The following OTUD4 variants were observed in gnomAD, a reference collection of about 807,000 sequenced individuals.
OTUD4 encodes OTU domain-containing protein 4.
In OTUD4, 24 loss-of-function variants were observed where a neutral mutation model predicts 130.4. The ratio of observed to expected loss-of-function variants is 0.18; its 90% confidence interval spans 0.13 to 0.26. The LOEUF (loss-of-function observed/expected upper bound fraction) is 0.26, where lower values mean the gene tolerates loss of function less well. OTUD4 is among the 10% of genes least tolerant of loss of function. The probability of loss-of-function intolerance (pLI) is 1.00; values close to 1 mark genes in which losing one functional copy is unlikely to be tolerated. For synonymous variants in OTUD4, 420 were observed against 472.5 expected (o/e 0.89, Z 1.44); for missense variants, 1,031 against 1,329.4 (o/e 0.78, Z 3.49).
At chr4:145,159,142 G>C in intron 7 of OTUD4, 1 of 1,043,372 alleles carries the variant, frequency 9.6e-7, no homozygotes, top group Non-Finnish European at 1.2e-6. Context: ...GAAAGTGAAG[G>C]AAATCCAAAC....
chr4:145,146,427 T>A lies in OTUD4; in HGVS notation c.1262A>T (p.Lys421Ile). ...ATCCTCAACTCTTTCACGATCAGGT[T>A]TTCTGTCAAATAAAACATTCTTGTC... ...LSRTPSQIIR[K>I]PDRERVEDFD... Residue 421 changes from lysine to isoleucine, a missense_variant and splice_region_variant, in exon 14 of 21, where the codon AAA becomes ATA. This residue lies in a region of OTUD4 where 900 missense variants were observed against 1,095.9 expected (regional missense o/e 0.82). Transcript: ENST00000447906. 6.5e-7 allele frequency: 1 copy of A among 1,528,102 alleles called. No individual in the cohort carries two copies. Among genetic ancestry groups the A allele is most frequent in the South Asian group, 1.4e-5 (1 of 73,424 alleles). The allele number at this position is 1,528,102 out of a possible 1,614,324, so 94.7% of individuals were successfully genotyped here.
intron 13 of OTUD4, among the ~76,000 whole-genome samples, chr4:145,148,876 A>ACT (rs1750938442): frequency 6.6e-6 from 1 of 152,198 alleles, no homozygotes; most frequent in African/African-American, 2.4e-5. Context: ...GTAAGCTACC[A>ACT]CCAGGGGCTA....
At chr4:145,175,691 A>G (rs1426703849) in intron 1 of OTUD4, among the ~76,000 whole-genome samples, 1 of 148,910 alleles carries the variant, frequency 6.7e-6, no homozygotes, top group Non-Finnish European at 1.5e-5. Flanking sequence ...ATTACAGCCA[A>G]CTACCACGGC....
Position 145,141,460 on chromosome 4 carries a change from C to T in OTUD4, c.2002G>A (p.Gly668Arg). 1 of 1,613,398 alleles carries T rather than the reference C, an allele frequency of 6.2e-7. No individual in the cohort carries two copies. The highest frequency in any genetic ancestry group is 8.5e-7 in the Non-Finnish European group (1 of 1,179,536). ...TCTCCCTTTTCATTACAAGGAAACC[C>T]AGGATAGAGTGGGTCTTGATAAAGG... ...LSLYQDPLYP[G>R]FPCNEKGDRA... The change falls in exon 19 of 21, where the codon GGG becomes AGG. Residue 668 changes from glycine to arginine, a missense_variant. Gly to Arg is a moderately radical substitution (Grantham distance 125). Transcript: ENST00000447906.
chr4:145,158,032 G>A (rs1751376795), intron 7 of OTUD4, among the ~76,000 whole-genome samples: 1 of 152,222 alleles, frequency 6.6e-6, no homozygotes. Context: ...ATGGTGCTCA[G>A]AGAGAACCGT....
At chr4:145,179,516 C>T (rs1333648148) in intron 1 of OTUD4, 1 of 859,570 alleles carries the variant, frequency 1.2e-6, no homozygotes, top group Non-Finnish European at 1.5e-6. Context: ...TCGCCAGGTC[C>T]CCAGCAATAA....
At chr4:145,148,444 A>G (rs1160777905) in intron 13 of OTUD4, among the ~76,000 whole-genome samples, 1 of 151,896 alleles carries the variant, frequency 6.6e-6, no homozygotes, top group Non-Finnish European at 1.5e-5. Flanking sequence ...GGATGCAGTG[A>G]GCCAAGATCG....
rs369523527 is a variant in OTUD4, at chr4:145,138,699, A to T, written c.2125-49T>A. 3 of 1,529,406 alleles carry T rather than the reference A, an allele frequency of 2.0e-6. No individual in the cohort carries two copies. In the African/African-American group the frequency reaches 4.2e-5, roughly 21 times the overall value. 94.7% of individuals were successfully genotyped at this position (1,529,406 alleles called of 1,614,324 possible). A position where few individuals can be genotyped will look rare whatever the true frequency, so the allele number is the denominator to read the frequency against. On this transcript the variant is annotated intron_variant, in intron 20 of 20. Transcript: ENST00000447906. ...ATAAACAAAAGAGGAGAAAAAAGAGAGGTTTGGGTGGATATCAATCTACAA... is the reference window on the plus strand; with the variant it reads ...ATAAACAAAAGAGGAGAAAAAAGAGTGGTTTGGGTGGATATCAATCTACAA...
chr4:145,161,310 AG>A (rs745572908), intron 6 of OTUD4, among the ~76,000 whole-genome samples: 6 of 152,174 alleles, frequency 3.9e-5, no homozygotes, highest in Non-Finnish European at 5.9e-5. Flanking sequence ...CCCAAAGCTG[AG>A]GTGTCCAGAT....
At position 145,150,278 on chromosome 4, in the gene OTUD4, C is replaced by T. The variant is rs145336449; in HGVS notation, c.1259+235G>A. The stretch of plus-strand genomic sequence containing the variant: ...TGGGCTAGAATAAGATCTCCCAAAC[C>T]ATTTGAAAAAATTACTAAAAAATAA... On this transcript the variant is annotated intron_variant, in intron 13 of 20. Coordinates refer to ENST00000447906, the MANE Select transcript of OTUD4 (RefSeq NM_001366057.1). Among the ~76,000 whole-genome samples, 4 of 152,230 alleles carry T rather than the reference C, an allele frequency of 2.6e-5. No homozygotes were observed. The East Asian group carries it at 7.7e-4, about 29-fold the overall frequency.
rs1170932262 is a variant in OTUD4 at position 145,134,324 on chromosome 4, GAGTGGACCTTGCTT to G, written c.*3092_*3105del. On this transcript the variant is annotated 3_prime_UTR_variant, in exon 21 of 21. Transcript: ENST00000447906. ...ATATGCATTCTCTTCAGCTACACTA[GAGTGGACCTTGCTT>G]AGTACCCTTAAGTAAAAGACAAAAC... The G allele has an allele frequency of 1.1e-5, 2 of 175,084 alleles. No homozygotes were observed. The highest frequency in any genetic ancestry group is 2.4e-5 in the Non-Finnish European group (2 of 83,090). 10.8% of individuals were successfully genotyped at this position (175,084 alleles called of 1,614,324 possible). A position where few individuals can be genotyped will look rare whatever the true frequency, so the allele number is the denominator to read the frequency against.
chr4:145,162,748 T>C (rs781288929), intron 5 of OTUD4, 27 bp from the exon 6 acceptor site: 23 of 1,204,172 alleles, frequency 1.9e-5, no homozygotes, highest in Admixed American at 4.1e-5. Context: ...AAAGAAACAT[T>C]TCAGCCCCTC....
At chr4:145,175,093 G>T (rs553116888) in intron 1 of OTUD4, among the ~76,000 whole-genome samples, 1 of 152,242 alleles carries the variant, frequency 6.6e-6, no homozygotes, top group African/African-American at 2.4e-5. Context: ...TCCATGCTAC[G>T]CCACGCTCAA....
intron 1 of OTUD4, among the ~76,000 whole-genome samples, chr4:145,176,470 G>A (rs2126813600): frequency 6.6e-6 from 1 of 151,012 alleles, no homozygotes; most frequent in South Asian, 2.1e-4. Context: ...TGGGTCCCCT[G>A]AGGTCAGGAG....
In OTUD4 at chr4:145,174,646, G is replaced by A. The variant is rs374606652; in HGVS notation, c.243+15C>T. 6 of 1,470,256 alleles carry A rather than the reference G, an allele frequency of 4.1e-6. No individual in the cohort carries two copies. Among genetic ancestry groups the A allele is most frequent in the Non-Finnish European group, 5.7e-6 (6 of 1,049,718 alleles). The allele number at this position is 1,470,256 out of a possible 1,614,324, so 91.1% of individuals were successfully genotyped here. On this transcript the variant is annotated intron_variant, in intron 2 of 20. Transcript: ENST00000447906. ...CAAGTCAAGACACCATTACATGTTTGAAATTACAAGTTACCGCTTCAAATT... is the reference window on the plus strand; with the variant it reads ...CAAGTCAAGACACCATTACATGTTTAAAATTACAAGTTACCGCTTCAAATT...
rs1751021557 is a variant in OTUD4, at chr4:145,150,577, A to G, written c.1195T>C (p.Ser399Pro). ...TCACTGGAGAATTTCTGAGACTGTG[A>G]CCCTGAAGAATGACTAGAGAACGCA... ...QHAFSSHSSG[S>P]QSQKFSSEHK... The change falls in exon 13 of 21, where the codon TCA becomes CCA. Residue 399 changes from serine to proline, a missense_variant. Physicochemically the swap from Ser to Pro is moderately conservative, Grantham distance 74. Around this residue, in one of 3 missense-constraint regions of OTUD4, gnomAD observed 900 missense variants for 1,095.9 expected, o/e 0.82. Coordinates refer to ENST00000447906, the MANE Select transcript of OTUD4 (RefSeq NM_001366057.1). 1 of 1,612,868 alleles carries G rather than the reference A, an allele frequency of 6.2e-7. No individual in the cohort carries two copies. Among genetic ancestry groups the G allele is most frequent in the Admixed American group, 1.7e-5 (1 of 59,984 alleles).
chr4:145,170,154 T>C (rs1752085197), intron 3 of OTUD4, among the ~76,000 whole-genome samples: 1 of 152,214 alleles, frequency 6.6e-6, no homozygotes, highest in African/African-American at 2.4e-5. Flanking sequence ...GATTCAGGTA[T>C]GGAATAGGGG....
intron 2 of OTUD4, among the ~76,000 whole-genome samples, chr4:145,173,701 C>T (rs952453846): frequency 2.0e-5 from 3 of 152,174 alleles, no homozygotes; most frequent in Admixed American, 6.5e-5. Flanking sequence ...GGGGAAATAA[C>T]ACCCAAAGTT....
intron 2 of OTUD4, among the ~76,000 whole-genome samples, chr4:145,173,642 A>G (rs144400874): frequency 6.2e-4 from 94 of 152,258 alleles, no homozygotes; most frequent in African/African-American, 2.2e-3. Context: ...CAAGGTTTCA[A>G]GCCTATCATT....
Sources: gnomAD v4.1 joint callset for allele counts (sites outside exome capture counted in the v4.1 genomes callset) on GRCh38, gnomAD v4.1.1 for gene constraint, gnomAD v4.1.1 regional missense constraint, MANE v1.5 for transcripts, NCBI Gene and HGNC (gene_info 2026-07-23, HGNC 2026-07-21) for gene names.